Variants in ANK3 observed in about 807,000 individuals in gnomAD.
The protein encoded by ANK3 is ankyrin-3.
Under a neutral mutation model 370.9 loss-of-function variants are expected in ANK3, and 57 were observed. That is an observed-to-expected ratio of 0.15 (90% CI 0.12 to 0.19). ANK3 has a LOEUF of 0.19. Among genes scored for constraint, ANK3 ranks in the 10% least tolerant of loss-of-function variants. ANK3 has a pLI of 1.00. For synonymous variants in ANK3, 1,929 were observed against 1,946.3 expected (o/e 0.99, Z 0.23); for missense variants, 4,439 against 5,302.1 (o/e 0.84, Z 5.06).
intron 1 of ANK3, among the ~76,000 whole-genome samples, chr10:60,378,427 C>A (rs1198040023): frequency 6.6e-6 from 1 of 152,042 alleles, no homozygotes; most frequent in Admixed American, 6.6e-5. Flanking sequence ...AAAAAATTGA[C>A]ACTATCAGAC....
rs2077192058 is a variant in ANK3, at chr10:60,555,741, T to G, written c.96+59445A>C. 2.6e-5 allele frequency among the ~76,000 whole-genome samples: 4 copies of G among 152,102 alleles called. No homozygotes were observed. In the South Asian group the frequency reaches 8.3e-4, roughly 32 times the overall value. ...AATAATTTGCACTAACTGCATATTT[T>G]TATAAGGTTGGGTACCAGCAAAAAT... On this transcript the variant is annotated intron_variant, in intron 2 of 43. Transcript: ENST00000373827.
Position 60,196,046 on chromosome 10 carries a change from A to G in ANK3, c.1887+99T>C, listed in dbSNP as rs1053535846. 19 of 1,044,538 alleles carry G rather than the reference A, an allele frequency of 1.8e-5. No individual in the cohort carries two copies. The Admixed American group carries it at 4.5e-4, about 25-fold the overall frequency. The allele number at this position is 1,044,538 out of a possible 1,614,324, so 64.7% of individuals were successfully genotyped here. A position where few individuals can be genotyped will look rare whatever the true frequency, so the allele number is the denominator to read the frequency against. ...TTTCTGTGATTTTTTAGTGGTGCCTAAACTAGGAGGGTGCTCCTGCTGAAG... is the reference window on the plus strand; with the variant it reads ...TTTCTGTGATTTTTTAGTGGTGCCTGAACTAGGAGGGTGCTCCTGCTGAAG... On this transcript the variant is annotated intron_variant, in intron 16 of 43. Transcript: ENST00000280772.
intron 1 of ANK3, among the ~76,000 whole-genome samples, chr10:60,625,628 A>T (rs1182677129): frequency 6.6e-6 from 1 of 152,192 alleles, no homozygotes; most frequent in Non-Finnish European, 1.5e-5. Context: ...TACCTGGCTC[A>T]TCCTCCCCAC....
intron 32 of ANK3, chr10:60,083,900 C>T (rs968400666): frequency 9.0e-6 from 2 of 223,022 alleles, no homozygotes; most frequent in Non-Finnish European, 8.5e-6. Context: ...ACATCAATCA[C>T]TTATTCGTAT....
At chr10:60,263,159 C>T (rs1468786354) in intron 6 of ANK3, among the ~76,000 whole-genome samples, 1 of 152,118 alleles carries the variant, frequency 6.6e-6, no homozygotes, top group African/African-American at 2.4e-5. Flanking sequence ...TCTAGGTTAA[C>T]ACATTTGGAA....
intron 2 of ANK3, among the ~76,000 whole-genome samples, chr10:60,558,167 C>G (rs1049632513): frequency 2.6e-5 from 4 of 152,146 alleles, no homozygotes; most frequent in African/African-American, 9.7e-5. Context: ...TAGAGTAGTA[C>G]TCTCTTAAAA....
At chr10:60,047,589 G>A (rs749721618) in intron 42 of ANK3, among the ~76,000 whole-genome samples, 6 of 152,108 alleles carry the variant, frequency 3.9e-5, no homozygotes, top group Non-Finnish European at 5.9e-5. Flanking sequence ...TGGAATGAAC[G>A]GATAGAACTT....
intron 23 of ANK3, chr10:60,145,887 A>C: frequency 1.4e-6 from 1 of 694,994 alleles, no homozygotes; most frequent in Non-Finnish European, 2.6e-6. Context: ...GTGCTCAATA[A>C]ATGTGGAATG....
At chr10:60,346,112 A>C (rs1450443863) in intron 1 of ANK3, among the ~76,000 whole-genome samples, 3 of 152,108 alleles carry the variant, frequency 2.0e-5, no homozygotes, top group African/African-American at 7.2e-5. Flanking sequence ...TAACAAATAC[A>C]ACTTAGATTT....
At position 60,071,661 on chromosome 10, in the gene ANK3, A is replaced by G. The variant is rs754798742; in HGVS notation, c.9220T>C (p.Leu3074=). ...DVFDHSPIDG[L]EKLAPLAQTE... Reference sequence around the variant, plus strand: ...TGGGCTAGTGGTGCGAGTTTTTCCAATCCATCAATGGGACTGTGGTCGAAT... The same window carrying G: ...TGGGCTAGTGGTGCGAGTTTTTCCAGTCCATCAATGGGACTGTGGTCGAAT... The change falls in exon 37 of 44, where the codon TTG becomes CTG. Residue 3074 remains leucine (L), a synonymous_variant. Transcript: ENST00000280772. The G allele has an allele frequency of 2.5e-6, 4 of 1,607,564 alleles. No homozygotes were observed. Among genetic ancestry groups the G allele is most frequent in the Non-Finnish European group, 3.4e-6 (4 of 1,177,768 alleles).
intron 2 of ANK3, among the ~76,000 whole-genome samples, chr10:60,521,864 T>C (rs1418955506): frequency 6.6e-6 from 1 of 152,140 alleles, no homozygotes; most frequent in African/African-American, 2.4e-5. Context: ...GTCTTCTGGC[T>C]GTAGCAGATA....
Position 60,108,862 on chromosome 10 carries a change from T to C in ANK3, c.3141A>G (p.Val1047=). The change falls in exon 27 of 44, where the codon GTA becomes GTG. Residue 1047 remains valine (V), a synonymous_variant. Coordinates refer to ENST00000280772, the MANE Select transcript of ANK3 (RefSeq NM_020987.5). ...VEGEGLASRL[V]EMGPAGAQFL... ...ATTGTGCCCCTGCAGGACCCATTTCTACCAGCCTACTGGCTAATCCCTCTC... is the reference window on the plus strand; with the variant it reads ...ATTGTGCCCCTGCAGGACCCATTTCCACCAGCCTACTGGCTAATCCCTCTC... The C allele has an allele frequency of 6.2e-7, 1 of 1,614,154 alleles. No homozygotes were observed. The highest frequency in any genetic ancestry group is 8.5e-7 in the Non-Finnish European group (1 of 1,179,970).
chr10:60,105,865 C>A, intron 28 of ANK3, 40 bp downstream of exon 28: 1 of 1,539,828 alleles, frequency 6.5e-7, no homozygotes, highest in Admixed American at 2.2e-5. Flanking sequence ...TTAATTTCTG[C>A]CTGCAGACAT....
chr10:60,663,456 C>T (rs773198680), intron 1 of ANK3, among the ~76,000 whole-genome samples: 15 of 152,052 alleles, frequency 9.9e-5, no homozygotes, highest in Non-Finnish European at 1.9e-4. Context: ...TCAGCTCTGT[C>T]CAGGGCTATG....
At chr10:60,435,422 T>G (rs1173750870) in intron 2 of ANK3, among the ~76,000 whole-genome samples, 1 of 152,208 alleles carries the variant, frequency 6.6e-6, no homozygotes, top group Non-Finnish European at 1.5e-5. Context: ...AGAACAATCT[T>G]TCCTCTAGGT....
intron 2 of ANK3, among the ~76,000 whole-genome samples, chr10:60,422,620 T>C (rs1380364849): frequency 1.3e-5 from 2 of 152,150 alleles, no homozygotes; most frequent in Non-Finnish European, 2.9e-5. Flanking sequence ...TTTACTTTAA[T>C]AATGCCTTTC....
intron 1 of ANK3, among the ~76,000 whole-genome samples, chr10:60,675,533 A>G (rs1396654238): frequency 6.6e-6 from 1 of 152,248 alleles, no homozygotes; most frequent in Non-Finnish European, 1.5e-5. Context: ...TCAATACCTA[A>G]GTTCTATAGC....
chr10:60,443,359 A>G (rs1016014184), intron 2 of ANK3, among the ~76,000 whole-genome samples: 5 of 152,100 alleles, frequency 3.3e-5, no homozygotes, highest in Admixed American at 6.6e-5. Flanking sequence ...AGGATGGATC[A>G]CTGCTGTCTC....
chr10:60,159,394 C>T (rs1754991099), intron 23 of ANK3, among the ~76,000 whole-genome samples: 1 of 152,066 alleles, frequency 6.6e-6, no homozygotes, highest in Non-Finnish European at 1.5e-5. Flanking sequence ...AATATATACA[C>T]ACCAAATGCT....
Sources: gnomAD v4.1 joint callset for allele counts (sites outside exome capture counted in the v4.1 genomes callset) on GRCh38, gnomAD v4.1.1 for gene constraint, MANE v1.5 for transcripts, NCBI Gene and HGNC (gene_info 2026-07-23, HGNC 2026-07-21) for gene names.